TPD52L1: variants seen among roughly 807,000 people sequenced by gnomAD.
TPD52L1 encodes the protein TPD52 like 1, also known as tumor protein D53.
In TPD52L1, 18 loss-of-function variants were observed where a neutral mutation model predicts 28.7. The ratio of observed to expected loss-of-function variants is 0.63; its 90% CI spans 0.43 to 0.93. The LOEUF (loss-of-function observed/expected upper bound fraction) is 0.93. Among genes scored for constraint, TPD52L1 ranks in the 40% least tolerant of loss-of-function variants. The probability of loss-of-function intolerance (pLI) is 0.00; values close to 1 mark genes in which losing one functional copy is unlikely to be tolerated. For missense variants in TPD52L1, 203 were observed against 254.8 expected, an observed-to-expected ratio of 0.80 and a Z score of 1.39; for synonymous variants, 75 against 88.8, an observed-to-expected ratio of 0.84 and a Z score of 0.88.
At chr6:125,199,673 A>G (rs746521087) in intron 1 of TPD52L1, among the ~76,000 whole-genome samples, 1 of 152,238 alleles carries the variant, frequency 6.6e-6, no homozygotes, top group Non-Finnish European at 1.5e-5. Context: ...CAACAAAAGC[A>G]AAACCCCATC....
chr6:125,199,246 A>C (rs182775767), intron 1 of TPD52L1, among the ~76,000 whole-genome samples: 125 of 152,314 alleles, frequency 8.2e-4, no homozygotes, highest in African/African-American at 2.9e-3. Flanking sequence ...GTTGATTTTA[A>C]TTTTTACCAG....
chr6:125,229,175 G>A lies in TPD52L1; in HGVS notation c.193G>A (p.Val65Ile), dbSNP rs775137096. The change falls in exon 3 of 7, where the codon GTT becomes ATT. Residue 65 changes from valine (V) to isoleucine (I), a missense_variant. Coordinates refer to ENST00000534000, the MANE Select transcript of TPD52L1 (RefSeq NM_003287.4). Reference sequence around the variant, plus strand: ...TTTGTCAGCGAAAGAAAGGCATCTAGTTGAGATAAAACAAAAACTCGGCAT... The same window carrying A: ...TTTGTCAGCGAAAGAAAGGCATCTAATTGAGATAAAACAAAAACTCGGCAT... ...QVLSAKERHL[V>I]EIKQKLGMNL... The A allele has an allele frequency of 1.9e-6, 3 of 1,613,572 alleles. No homozygotes were observed. Among genetic ancestry groups the A allele is most frequent in the Non-Finnish European group, 2.5e-6 (3 of 1,179,772 alleles).
At chr6:125,253,967 C>T (rs1321957605) in intron 5 of TPD52L1, 1 of 746,320 alleles carries the variant, frequency 1.3e-6, no homozygotes, top group Admixed American at 1.7e-5. Flanking sequence ...CCTGTGTGAT[C>T]CAAGACAAGT....
intron 4 of TPD52L1, chr6:125,252,706 G>A (rs1206964336): frequency 6.6e-6 from 1 of 152,140 alleles, no homozygotes; most frequent in Non-Finnish European, 1.5e-5. Context: ...GGCTCTTTTA[G>A]TGATGCTTTT....
At chr6:125,178,656 A>ATATATATATATATATAT (rs1383661753) in intron 1 of TPD52L1, among the ~76,000 whole-genome samples, 5 of 149,708 alleles carry the variant, frequency 3.3e-5, no homozygotes, top group African/African-American at 1.2e-4. Flanking sequence ...AAAACAAAAC[A>ATATATATATATATATAT]AAATATATAT....
chr6:125,202,782 T>TTTTTTTTTTG (rs1793876811), intron 1 of TPD52L1, among the ~76,000 whole-genome samples: 2 of 149,882 alleles, frequency 1.3e-5, no homozygotes, highest in Admixed American at 1.3e-4. Context: ...TTTTTTTTTT[T>TTTTTTTTTTG]GAGACGGAGC....
chr6:125,211,307 C>CT (rs1554209654), intron 1 of TPD52L1, among the ~76,000 whole-genome samples: 2,375 of 147,144 alleles, frequency 0.016, 27 homozygotes, highest in East Asian at 0.05. Context: ...ATCTATCTAT[C>CT]GTGTAACACA....
intron 3 of TPD52L1, among the ~76,000 whole-genome samples, chr6:125,239,365 A>C (rs575912209): frequency 3.3e-5 from 5 of 152,300 alleles, no homozygotes; most frequent in East Asian, 3.9e-4. Flanking sequence ...AAAAAGGTTT[A>C]ATGGATTCAC....
At chr6:125,172,744 G>A (rs1215702253) in intron 1 of TPD52L1, among the ~76,000 whole-genome samples, 1 of 149,434 alleles carries the variant, frequency 6.7e-6, no homozygotes, top group Non-Finnish European at 1.5e-5. Flanking sequence ...TTTGCTGTTG[G>A]TCACTGCTTA....
rs184984203 is a variant in TPD52L1, at chr6:125,251,890, G to A, written c.387-1827G>A. 1,077 of 808,418 alleles carry A rather than the reference G, an allele frequency of 1.3e-3. 1 individual carries two copies. Among genetic ancestry groups the A allele is most frequent in the Non-Finnish European group, 1.9e-3 (963 of 503,294 alleles). 50.1% of individuals were successfully genotyped at this position (808,418 alleles called of 1,614,324 possible). On this transcript the variant is annotated intron_variant, in intron 4 of 6. Transcript: ENST00000534000. Reference sequence around the variant, plus strand: ...CATTAAAAAGTCAGTGTAATCAAGAGTGGTAAATGAAGCTACCCTGTCTGT... The same window carrying A: ...CATTAAAAAGTCAGTGTAATCAAGAATGGTAAATGAAGCTACCCTGTCTGT...
chr6:125,251,201 G>A (rs1797245028), intron 4 of TPD52L1, among the ~76,000 whole-genome samples: 1 of 152,144 alleles, frequency 6.6e-6, no homozygotes, highest in Non-Finnish European at 1.5e-5. Context: ...TGGGGAATAT[G>A]TTAAAATTTG....
Position 125,172,099 on chromosome 6 carries a change from C to CCTTTCTTTCTTTCTTT in TPD52L1, c.19+18174_19+18189dup, listed in dbSNP as rs549747240. Among the ~76,000 whole-genome samples, 2 of 76,142 alleles carry CCTTTCTTTCTTTCTTT rather than the reference C, an allele frequency of 2.6e-5. 1 individual carries two copies. The highest frequency in any genetic ancestry group is 5.4e-5 in the Non-Finnish European group (2 of 37,316). 50.0% of individuals were successfully genotyped at this position (76,142 alleles called of 152,430 possible). ...TTCTTTCTCTTTCTTTCTTTCTTTC[C>CCTTTCTTTCTTTCTTT]CTTTCTTTCTTTCTTTCTTTCTTTC... On this transcript the variant is annotated intron_variant, in intron 1 of 6. Coordinates refer to ENST00000534000, the MANE Select transcript of TPD52L1 (RefSeq NM_003287.4).
intron 1 of TPD52L1, among the ~76,000 whole-genome samples, chr6:125,185,367 T>C (rs1208687921): frequency 1.3e-5 from 2 of 152,166 alleles, no homozygotes; most frequent in Non-Finnish European, 2.9e-5. Context: ...ATGAAACATT[T>C]AGAAAAATTA....
At chr6:125,178,339 T>C (rs1367693659) in intron 1 of TPD52L1, among the ~76,000 whole-genome samples, 1 of 152,090 alleles carries the variant, frequency 6.6e-6, no homozygotes, top group Non-Finnish European at 1.5e-5. Flanking sequence ...GTAAAAAACA[T>C]AGGCCAGGTG....
At chr6:125,190,458 G>A (rs535135581) in intron 1 of TPD52L1, among the ~76,000 whole-genome samples, 46 of 152,222 alleles carry the variant, frequency 3.0e-4, no homozygotes, top group African/African-American at 1.1e-3. Flanking sequence ...AACCTTTTGG[G>A]TACCAGGGAC....
chr6:125,230,416 T>C (rs1179208310), intron 3 of TPD52L1, among the ~76,000 whole-genome samples: 1 of 152,136 alleles, frequency 6.6e-6, no homozygotes, highest in Non-Finnish European at 1.5e-5. Flanking sequence ...TAAGAAATTG[T>C]CTTTGGGTTA....
rs115343053 is a variant in TPD52L1, at chr6:125,233,068, C to T, written c.284+3802C>T. ...GTGGGCTATTCAAAGCAGTGGGCTT[C>T]ATGTATTCAACAAGTATTCTGCTTT... On this transcript the variant is annotated intron_variant, in intron 3 of 6. Transcript: ENST00000534000. 7.0e-3 allele frequency among the ~76,000 whole-genome samples: 1,071 copies of T among 152,204 alleles called. 16 individuals carry two copies. Among genetic ancestry groups the T allele is most frequent in the African/African-American group, 0.025 (1,018 of 41,522 alleles).
At chr6:125,221,181 A>G (rs1011623211) in intron 2 of TPD52L1, among the ~76,000 whole-genome samples, 1 of 152,342 alleles carries the variant, frequency 6.6e-6, no homozygotes, top group African/African-American at 2.4e-5. Flanking sequence ...CCTCCAAGTT[A>G]ATTTCATTTC....
chr6:125,251,989 C>A, intron 4 of TPD52L1: 1 of 1,535,986 alleles, frequency 6.5e-7, no homozygotes, highest in Non-Finnish European at 8.7e-7. Flanking sequence ...TAACTCTGCT[C>A]CTGCTCTTCT....
Sources: gnomAD v4.1 joint callset for allele counts (sites outside exome capture counted in the v4.1 genomes callset) on GRCh38, gnomAD v4.1.1 for gene constraint, MANE v1.5 for transcripts, NCBI Gene and HGNC (gene_info 2026-07-23, HGNC 2026-07-21) for gene names.